MYH15: variants seen among roughly 807,000 people sequenced by gnomAD.
MYH15 encodes myosin-15.
MYH15 carries 227 observed loss-of-function variants against 240.5 expected under a neutral mutation model. The observed-to-expected ratio is 0.94, with a 90% CI of 0.85 to 1.05. MYH15 has a LOEUF of 1.05. MYH15 is among the 50% of genes least tolerant of loss of function. The pLI is 0.00. For synonymous variants in MYH15, 785 were observed against 796.7 expected, an observed-to-expected ratio of 0.99 and a Z score of 0.25; for missense variants, 2,217 against 2,247.5, an observed-to-expected ratio of 0.99 and a Z score of 0.27.
intron 1 of MYH15, among the ~76,000 whole-genome samples, chr3:108,507,416 A>G (rs1206804367): frequency 6.8e-6 from 1 of 148,098 alleles, no homozygotes; most frequent in Non-Finnish European, 1.5e-5. Flanking sequence ...AAACCCCACT[A>G]TAACCACAGC....
Position 108,464,880 on chromosome 3 carries a change from T to G in MYH15, c.1555-66A>C. On this transcript the variant is annotated intron_variant, in intron 14 of 40. Coordinates refer to ENST00000693548, the MANE Select transcript of MYH15 (RefSeq NM_014981.3). The stretch of plus-strand genomic sequence containing the variant: ...ACCGGCACTTTCAGTAGGGGGTCAG[T>G]ATAAATTCTTTCCCAGGAACCTAAT... 2.9e-6 allele frequency: 4 copies of G among 1,396,332 alleles called. No homozygotes were observed. The East Asian group carries it at 9.7e-5, about 34-fold the overall frequency. The allele number at this position is 1,396,332 out of a possible 1,614,324, so 86.5% of individuals were successfully genotyped here.
At chr3:108,478,692 A>T (rs76634794) in intron 11 of MYH15, among the ~76,000 whole-genome samples, 2 of 151,988 alleles carry the variant, frequency 1.3e-5, no homozygotes, top group African/African-American at 4.8e-5. Flanking sequence ...AAAAAAAAAA[A>T]AGAGAAACAT....
intron 25 of MYH15, among the ~76,000 whole-genome samples, chr3:108,434,691 C>T (rs1409364965): frequency 1.3e-5 from 2 of 152,056 alleles, no homozygotes; most frequent in Admixed American, 6.6e-5. Context: ...TTAGGTTTTC[C>T]TTAATATTTT....
At chr3:108,501,678 A>T in intron 3 of MYH15, 34 bp downstream of exon 3, 1 of 1,612,626 alleles carries the variant, frequency 6.2e-7, no homozygotes, top group Non-Finnish European at 8.5e-7. Flanking sequence ...GTGACTGCCA[A>T]CATGACAGTT....
chr3:108,408,055 C>G (rs2082559347), intron 32 of MYH15, among the ~76,000 whole-genome samples: 1 of 152,224 alleles, frequency 6.6e-6, no homozygotes, highest in Non-Finnish European at 1.5e-5. Flanking sequence ...GATTTGCATT[C>G]ACTGTTGTGT....
intron 16 of MYH15, among the ~76,000 whole-genome samples, chr3:108,461,228 T>C (rs1306910504): frequency 6.6e-6 from 1 of 152,186 alleles, no homozygotes; most frequent in Non-Finnish European, 1.5e-5. Flanking sequence ...GCAGATGTCA[T>C]GAAGCTCAAT....
chr3:108,526,297 C>T (rs559100811), intron 1 of MYH15, among the ~76,000 whole-genome samples: 2 of 152,302 alleles, frequency 1.3e-5, no homozygotes, highest in East Asian at 3.9e-4. Context: ...TATATTTGCA[C>T]ATAGAGCTTC....
chr3:108,405,282 T>C (rs746516027), intron 33 of MYH15, 56 bp downstream of exon 33: 14 of 1,048,352 alleles, frequency 1.3e-5, no homozygotes, highest in Non-Finnish European at 1.9e-5. Flanking sequence ...ATGAGCTCTG[T>C]TTAGTCAAGG....
At position 108,455,666 on chromosome 3, in the gene MYH15, C is replaced by T. The variant is rs1045768742; in HGVS notation, c.2262+70G>A. ...AGAATGCCTTATAATTGAGCATTCA[C>T]AGGTATTTTAAGATACACAGTCTTC... is the stretch of plus-strand genomic sequence containing the variant. On this transcript the variant is annotated intron_variant, in intron 20 of 40. Transcript: ENST00000693548. The T allele has an allele frequency of 1.2e-5, 18 of 1,521,470 alleles. 1 individual carries two copies. In the African/African-American group the frequency reaches 1.2e-4, roughly 10 times the overall value. The allele number at this position is 1,521,470 out of a possible 1,614,324, so 94.2% of individuals were successfully genotyped here.
In MYH15 at chr3:108,476,423, C is replaced by T; in HGVS notation, c.1207G>A (p.Val403Ile). The T allele has an allele frequency of 6.2e-7, 1 of 1,609,876 alleles. No homozygotes were observed. The highest frequency in any genetic ancestry group is 8.5e-7 in the Non-Finnish European group (1 of 1,176,380). The change falls in exon 12 of 41, where the codon GTT (valine) becomes ATT (isoleucine). Residue 403 changes from valine to isoleucine, a missense_variant. Coordinates refer to ENST00000693548, the MANE Select transcript of MYH15 (RefSeq NM_014981.3). ...TGTTCTATAGTTTGACCTCTGGTAA[C>T]ATATTCGTTACCAACTTTGATTCTA... is the stretch of plus-strand genomic sequence containing the variant. Reference protein sequence around the residue: ...HPRIKVGNEYVTRGQTIEQVT... With the variant: ...HPRIKVGNEYITRGQTIEQVT...
intron 25 of MYH15, among the ~76,000 whole-genome samples, chr3:108,433,183 G>C (rs1172433035): frequency 6.6e-6 from 1 of 152,200 alleles, no homozygotes; most frequent in Non-Finnish European, 1.5e-5. Flanking sequence ...GAGACACGGA[G>C]ATCATTTTGG....
At chr3:108,500,392 G>T (rs2083427108) in intron 3 of MYH15, 118 bp from the exon 4 acceptor site, 2 of 1,089,894 alleles carry the variant, frequency 1.8e-6, no homozygotes, top group African/African-American at 1.6e-5. Flanking sequence ...ACTCAGAGGG[G>T]AGCTTTTGGA....
chr3:108,444,595 C>T (rs1348492906), intron 22 of MYH15, 45 bp downstream of exon 22: 8 of 1,599,060 alleles, frequency 5.0e-6, no homozygotes, highest in Non-Finnish European at 5.1e-6. Flanking sequence ...ACAAGGGAGT[C>T]TAATTAAAAA....
At position 108,444,820 on chromosome 3, in the gene MYH15, G is replaced by A. The variant is rs1560372937; in HGVS notation, c.2475C>T (p.Phe825=). ...ATTTAACAAGAGGCTTGATCTTGAA[G>A]AAGAGCCTCATCCAGGGCCAGTTCT... ...AVKNWPWMRL[F]FKIKPLVKSS... The change falls in exon 22 of 41, where the codon TTC becomes TTT. Residue 825 remains phenylalanine (F), a synonymous_variant. Coordinates refer to ENST00000693548, the MANE Select transcript of MYH15 (RefSeq NM_014981.3). The A allele has an allele frequency of 9.3e-6, 15 of 1,613,900 alleles. No homozygotes were observed. Among genetic ancestry groups the A allele is most frequent in the Non-Finnish European group, 1.3e-5 (15 of 1,179,986 alleles).
intron 29 of MYH15, among the ~76,000 whole-genome samples, chr3:108,415,551 G>A (rs768011526): frequency 6.6e-6 from 1 of 152,126 alleles, no homozygotes; most frequent in Non-Finnish European, 1.5e-5. Flanking sequence ...CTGCCCTAAA[G>A]AGCCCAAAAG....
intron 36 of MYH15, among the ~76,000 whole-genome samples, chr3:108,392,472 C>T (rs2082429066): frequency 6.6e-6 from 1 of 152,190 alleles, no homozygotes; most frequent in Non-Finnish European, 1.5e-5. Flanking sequence ...CTGCTCTTGG[C>T]TTTGGCTGTG....
At chr3:108,545,545 G>A in the MYH15 span, among the ~76,000 whole-genome samples, 3 of 151,918 alleles carry the variant, frequency 2.0e-5, no homozygotes, top group East Asian at 5.8e-4. Context: ...GGTAGAGCCA[G>A]AACTCAAATC....
chr3:108,499,195 T>C (rs2083417484), intron 5 of MYH15, among the ~76,000 whole-genome samples: 1 of 152,064 alleles, frequency 6.6e-6, no homozygotes, highest in African/African-American at 2.4e-5. Flanking sequence ...AAGAAGGTAA[T>C]TAAGACCAGC....
chr3:108,510,212 T>C (rs2083511209), intron 1 of MYH15, among the ~76,000 whole-genome samples: 1 of 152,166 alleles, frequency 6.6e-6, no homozygotes, highest in Admixed American at 6.5e-5. Context: ...ATCAAGTGTG[T>C]AGGGCCCGGG....
Sources: gnomAD v4.1 joint callset for allele counts (sites outside exome capture counted in the v4.1 genomes callset) on GRCh38, gnomAD v4.1.1 for gene constraint, MANE v1.5 for transcripts, NCBI Gene and HGNC (gene_info 2026-07-23, HGNC 2026-07-21) for gene names.